The following LRP1B variants were observed in gnomAD, a reference collection of about 807,000 sequenced individuals.
LRP1B encodes the protein low-density lipoprotein receptor-related protein 1B.
Under a neutral mutation model 556.6 loss-of-function variants are expected in LRP1B, and 217 were observed. That is an observed-to-expected ratio of 0.39 (90% confidence interval 0.35 to 0.44). LRP1B has a LOEUF of 0.44. Ranked by LOEUF, LRP1B falls within the 20% of genes least tolerant of loss-of-function variation. The pLI, the probability that LRP1B is intolerant of heterozygous loss-of-function variation, is 1.00. For missense variants in LRP1B, 5,053 were observed against 5,620.8 expected (o/e 0.90, Z 3.23); for synonymous variants, 2,047 against 1,865.8 (o/e 1.10, Z -2.50).
intron 1 of LRP1B, among the ~76,000 whole-genome samples, chr2:142,015,886 G>GGAGGCT (rs976607894): frequency 6.7e-6 from 1 of 150,192 alleles, no homozygotes; most frequent in Non-Finnish European, 1.5e-5. Flanking sequence ...CAGCTACTCG[G>GGAGGCT]GAGGCTGAGG....
chr2:140,277,429 T>C (rs1166028567), intron 84 of LRP1B, among the ~76,000 whole-genome samples: 1 of 151,534 alleles, frequency 6.6e-6, no homozygotes, highest in African/African-American at 2.4e-5. Flanking sequence ...CTACTAAAAA[T>C]ACAAAAAATT....
intron 83 of LRP1B, among the ~76,000 whole-genome samples, chr2:140,298,828 A>G (rs1573752730): frequency 6.6e-6 from 1 of 152,142 alleles, no homozygotes; most frequent in East Asian, 1.9e-4. Flanking sequence ...TACAAAATGA[A>G]ATATGGAACT....
At position 140,748,792 on chromosome 2, in the gene LRP1B, T is replaced by TAA. The variant is rs1559094686; in HGVS notation, c.5758+20420_5758+20421insTT. ...GTATATAATATGTATATAATATATATTATATACATATTATATACATGTATA... is the reference window on the plus strand; with the variant it reads ...GTATATAATATGTATATAATATATATAATATATACATATTATATACATGTATA... On this transcript the variant is annotated intron_variant, in intron 35 of 90. Coordinates refer to ENST00000389484, the MANE Select transcript of LRP1B (RefSeq NM_018557.3). Among the ~76,000 whole-genome samples, 48 of 48,636 alleles carry TAA rather than the reference T, an allele frequency of 9.9e-4. 2 individuals carry two copies. The highest frequency in any genetic ancestry group is 1.5e-3 in the Admixed American group (6 of 3,956). The allele number at this position is 48,636 out of a possible 152,430, so 31.9% of individuals were successfully genotyped here.
chr2:140,450,978 G>C (rs750861465), intron 62 of LRP1B, among the ~76,000 whole-genome samples: 45 of 152,194 alleles, frequency 3.0e-4, no homozygotes, highest in Non-Finnish European at 3.5e-4. Flanking sequence ...GTCTCGCTCT[G>C]TCGCCCAGGC....
chr2:141,479,224 T>C lies in LRP1B; in HGVS notation c.343+1172A>G, dbSNP rs4411638. 2.1e-3 allele frequency among the ~76,000 whole-genome samples: 322 copies of C among 152,350 alleles called. 2 individuals carry two copies. The highest frequency in any genetic ancestry group is 7.4e-3 in the African/African-American group (307 of 41,592). On this transcript the variant is annotated intron_variant, in intron 3 of 90. Transcript: ENST00000389484. ...TAATATATTTCTCCATTTATGGTCT[T>C]GAATTCAGCTTACTTCACCCCAGAC...
chr2:141,952,434 T>G (rs1316129598), intron 1 of LRP1B, among the ~76,000 whole-genome samples: 1 of 152,152 alleles, frequency 6.6e-6, no homozygotes, highest in Non-Finnish European at 1.5e-5. Context: ...ATAGATGCCT[T>G]GAACAGAATT....
At chr2:141,719,731 C>A (rs1692746938) in intron 2 of LRP1B, among the ~76,000 whole-genome samples, 1 of 152,070 alleles carries the variant, frequency 6.6e-6, no homozygotes, top group Non-Finnish European at 1.5e-5. Flanking sequence ...CACATGGATG[C>A]ACCTGGAGAT....
intron 2 of LRP1B, among the ~76,000 whole-genome samples, chr2:141,712,281 G>A (rs1692390392): frequency 1.3e-5 from 2 of 151,778 alleles, no homozygotes; most frequent in South Asian, 4.2e-4. Context: ...TTAAAATAGT[G>A]CCTTTTTAGT....
intron 7 of LRP1B, among the ~76,000 whole-genome samples, chr2:141,101,070 A>T (rs1178963441): frequency 2.6e-5 from 4 of 152,156 alleles, no homozygotes; most frequent in African/African-American, 9.7e-5. Context: ...CGAAGCAATG[A>T]TGTTATTCCT....
At chr2:141,714,476 ATTT>A in intron 2 of LRP1B, among the ~76,000 whole-genome samples, 1 of 120,310 alleles carries the variant, frequency 8.3e-6, no homozygotes, top group South Asian at 2.7e-4. Flanking sequence ...TATTTTAAGT[ATTT>A]TTTTTTTTTT....
At chr2:142,069,485 A>G (rs1705232846) in intron 1 of LRP1B, among the ~76,000 whole-genome samples, 1 of 5,352 alleles carries the variant, frequency 1.9e-4, no homozygotes, top group East Asian at 0.05. Flanking sequence ...CAACAACTTC[A>G]TCTCCCCCAC....
intron 7 of LRP1B, among the ~76,000 whole-genome samples, chr2:141,168,432 ACACT>A (rs1406113821): frequency 3.3e-5 from 5 of 152,108 alleles, no homozygotes; most frequent in African/African-American, 1.2e-4. Flanking sequence ...TTAAATAATC[ACACT>A]CAGTCACTAC....
At chr2:142,045,156 A>C (rs1051383660) in intron 1 of LRP1B, among the ~76,000 whole-genome samples, 6 of 144,346 alleles carry the variant, frequency 4.2e-5, no homozygotes, top group African/African-American at 1.3e-4. Context: ...AAAAAAAAAA[A>C]CAACAACAAA....
chr2:141,875,501 A>T (rs1285327007), intron 1 of LRP1B, among the ~76,000 whole-genome samples: 1 of 152,026 alleles, frequency 6.6e-6, no homozygotes, highest in Non-Finnish European at 1.5e-5. Flanking sequence ...CCTATATAAT[A>T]TACATCTTAC....
At chr2:142,030,038 A>G (rs1205741978) in intron 1 of LRP1B, among the ~76,000 whole-genome samples, 1 of 1,090 alleles carries the variant, frequency 9.2e-4, no homozygotes, top group Non-Finnish European at 3.8e-3. Flanking sequence ...CTTTTTAGGA[A>G]AAAAAAAAAA....
At position 140,379,695 on chromosome 2, in the gene LRP1B, G is replaced by A. The variant is rs368011359; in HGVS notation, c.10532-1409C>T. Among the ~76,000 whole-genome samples, 8 of 151,632 alleles carry A rather than the reference G, an allele frequency of 5.3e-5. No individual in the cohort carries two copies. In the East Asian group the frequency reaches 7.8e-4, roughly 15 times the overall value. ...GGGCGACAAAGCAAGACTGTGCTTC[G>A]GAAAAGAAAAAAAGAAAAGAAACCC... On this transcript the variant is annotated intron_variant, in intron 67 of 90. Coordinates refer to ENST00000389484, the MANE Select transcript of LRP1B (RefSeq NM_018557.3).
intron 23 of LRP1B, among the ~76,000 whole-genome samples, chr2:140,897,000 G>A (rs10185560): frequency 0.18 from 27,412 of 151,920 alleles, 2,654 homozygotes; most frequent in Non-Finnish European, 0.2. Flanking sequence ...TTCTAAAAGG[G>A]GTGAACAAAA....
intron 84 of LRP1B, among the ~76,000 whole-genome samples, chr2:140,291,359 G>A (rs556990895): frequency 2.4e-5 from 3 of 123,454 alleles, no homozygotes; most frequent in South Asian, 2.7e-4. Context: ...TGTGCACAAC[G>A]TGCAGGTTTG....
intron 41 of LRP1B, among the ~76,000 whole-genome samples, chr2:140,608,454 C>G (rs1201786456): frequency 6.6e-6 from 1 of 152,192 alleles, no homozygotes; most frequent in Non-Finnish European, 1.5e-5. Context: ...TCTCACCCCT[C>G]TAACAAGAAG....
Sources: allele counts gnomAD v4.1 joint callset (sites outside exome capture counted in the v4.1 genomes callset), GRCh38; gene constraint gnomAD v4.1.1; transcripts MANE v1.5; gene names NCBI Gene and HGNC (gene_info 2026-07-23, HGNC 2026-07-21).